The following MORC1 variants were observed in gnomAD, a reference collection of about 807,000 sequenced individuals.
The protein encoded by MORC1 is MORC family CW-type zinc finger protein 1.
A neutral mutation model predicts 134.9 loss-of-function variants in MORC1; 59 were observed. The observed-to-expected ratio is 0.44, with a 90% CI of 0.35 to 0.54. The LOEUF (loss-of-function observed/expected upper bound fraction) is 0.54, where lower values mean the gene tolerates loss of function less well. Ranked by LOEUF, MORC1 falls within the 20% of genes least tolerant of loss-of-function variation. The pLI is 0.00. For missense variants in MORC1, 947 were observed against 1,134.5 expected (o/e 0.83, Z 2.37); for synonymous variants, 395 against 391.7 (o/e 1.01, Z -0.10).
chr3:108,985,772 A>G (rs1181768232), intron 22 of MORC1, among the ~76,000 whole-genome samples: 2 of 152,132 alleles, frequency 1.3e-5, no homozygotes, highest in Non-Finnish European at 2.9e-5. Flanking sequence ...TGTATTAGCA[A>G]TTTTTCTAGT....
chr3:109,063,252 C>T (rs922687119), intron 9 of MORC1, 21 bp from the exon 10 acceptor site: 2 of 1,455,810 alleles, frequency 1.4e-6, no homozygotes, highest in Non-Finnish European at 1.9e-6. Context: ...ACAAAAAGAA[C>T]ATAATCAAGT....
At chr3:108,982,292 CA>C (rs1338412782) in intron 23 of MORC1, among the ~76,000 whole-genome samples, 1 of 152,116 alleles carries the variant, frequency 6.6e-6, no homozygotes, top group Non-Finnish European at 1.5e-5. Context: ...AACGCTTTTA[CA>C]CTGTTGGTGG....
chr3:108,979,748 T>C (rs1015320266), intron 23 of MORC1, 81 bp from the exon 24 acceptor site: 1 of 1,514,076 alleles, frequency 6.6e-7, no homozygotes, highest in African/African-American at 1.4e-5. Flanking sequence ...ATGAGTGAAA[T>C]GTTCATATAC....
chr3:108,971,452 T>C, intron 24 of MORC1, 50 bp from the exon 25 acceptor site: 1 of 1,515,176 alleles, frequency 6.6e-7, no homozygotes, highest in Non-Finnish European at 9.1e-7. Flanking sequence ...ATAACAGAGG[T>C]AGCACTCAAC....
chr3:109,049,243 A>G lies in MORC1; in HGVS notation c.1330+5485T>C, dbSNP rs1267834187. 5.9e-5 allele frequency: 28 copies of G among 477,054 alleles called. 1 individual carries two copies. Among genetic ancestry groups the G allele is most frequent in the Non-Finnish European group, 7.4e-5 (27 of 366,080 alleles). 29.6% of individuals were successfully genotyped at this position (477,054 alleles called of 1,614,324 possible). A position where few individuals can be genotyped will look rare whatever the true frequency, so the allele number is the denominator to read the frequency against. On this transcript the variant is annotated intron_variant, in intron 14 of 27. Transcript: ENST00000232603. The stretch of plus-strand genomic sequence containing the variant: ...AAAATTCTGTTGTGAGCAACTAGCT[A>G]CATCCAGGTACTACAGCATTGTCTA...
intron 27 of MORC1, among the ~76,000 whole-genome samples, chr3:108,962,124 G>T (rs910195853): frequency 6.6e-6 from 1 of 152,050 alleles, no homozygotes; most frequent in African/African-American, 2.4e-5. Context: ...TGGCTGAAGT[G>T]GTATGGTTGA....
intron 21 of MORC1, among the ~76,000 whole-genome samples, chr3:108,993,925 C>T (rs905770851): frequency 2.6e-5 from 4 of 152,096 alleles, no homozygotes; most frequent in East Asian, 1.9e-4. Context: ...AAAACATAAA[C>T]CTAGACACGG....
intron 11 of MORC1, 102 bp downstream of exon 11, chr3:109,061,886 C>A: frequency 9.5e-7 from 1 of 1,047,628 alleles, no homozygotes. Flanking sequence ...CTTATCTGTG[C>A]TTAAAAGTTT....
At chr3:109,076,890 T>C (rs1374698971) in intron 8 of MORC1, among the ~76,000 whole-genome samples, 1 of 150,838 alleles carries the variant, frequency 6.6e-6, no homozygotes, top group Non-Finnish European at 1.5e-5. Flanking sequence ...GACAGGTTGA[T>C]GGGTGCAGCA....
rs922707756 is a variant in MORC1, at chr3:109,106,128, T to C, written c.155-2211A>G. Among the ~76,000 whole-genome samples, 9 of 152,346 alleles carry C rather than the reference T, an allele frequency of 5.9e-5. No individual in the cohort carries two copies. In the East Asian group the frequency reaches 1.5e-3, roughly 26 times the overall value. On this transcript the variant is annotated intron_variant, in intron 3 of 27. Coordinates refer to ENST00000232603, the MANE Select transcript of MORC1 (RefSeq NM_014429.4). ...CTAATGTAACTGGTCTTGGATAGGG[T>C]TCAGAAATTGGTATTTTCTCGTAAA...
At chr3:109,000,521 A>G in intron 21 of MORC1, 36 bp downstream of exon 21, 2 of 1,447,820 alleles carry the variant, frequency 1.4e-6, no homozygotes, top group Non-Finnish European at 1.9e-6. Context: ...GAATATGAAA[A>G]TCTCAAGGTG....
intron 16 of MORC1, among the ~76,000 whole-genome samples, chr3:109,028,886 G>A (rs1271283989): frequency 1.3e-5 from 2 of 152,086 alleles, no homozygotes; most frequent in East Asian, 3.9e-4. Context: ...GCCCACTCTA[G>A]GTCACAGAGT....
chr3:109,050,325 G>C (rs1427861792), intron 14 of MORC1, among the ~76,000 whole-genome samples: 1 of 152,196 alleles, frequency 6.6e-6, no homozygotes, highest in Non-Finnish European at 1.5e-5. Context: ...CAGTTCTGGA[G>C]ACTGGGAAGT....
At chr3:108,987,724 A>G (rs959940245) in intron 21 of MORC1, among the ~76,000 whole-genome samples, 3 of 151,954 alleles carry the variant, frequency 2.0e-5, no homozygotes, top group Non-Finnish European at 2.9e-5. Flanking sequence ...TCCATTTTAC[A>G]AGGCTCACAT....
At chr3:109,082,731 G>A (rs1307678869) in intron 8 of MORC1, among the ~76,000 whole-genome samples, 1 of 151,712 alleles carries the variant, frequency 6.6e-6, no homozygotes, top group Non-Finnish European at 1.5e-5. Context: ...AATACACAGA[G>A]GAGCAAAAAG....
chr3:109,003,242 T>C (rs536253418), intron 20 of MORC1, among the ~76,000 whole-genome samples: 2 of 147,998 alleles, frequency 1.4e-5, no homozygotes, highest in East Asian at 1.9e-4. Context: ...GCATACTGAA[T>C]GGCACACAGT....
intron 20 of MORC1, among the ~76,000 whole-genome samples, chr3:109,003,326 T>C (rs1272419575): frequency 6.6e-6 from 1 of 151,930 alleles, no homozygotes; most frequent in Admixed American, 6.6e-5. Context: ...TACATATATG[T>C]GTATATATAT....
chr3:108,989,473 G>C (rs190920184), intron 21 of MORC1, among the ~76,000 whole-genome samples: 13 of 152,240 alleles, frequency 8.5e-5, no homozygotes, highest in African/African-American at 3.1e-4. Context: ...AATACTGCAT[G>C]CTCAATTTTG....
chr3:108,968,853 AC>A (rs1280386575), intron 26 of MORC1, among the ~76,000 whole-genome samples: 1 of 151,856 alleles, frequency 6.6e-6, no homozygotes, highest in East Asian at 1.9e-4. Flanking sequence ...GTTCTTGACT[AC>A]TCTGGCCTGT....
Sources: allele counts gnomAD v4.1 joint callset (sites outside exome capture counted in the v4.1 genomes callset), GRCh38; gene constraint gnomAD v4.1.1; transcripts MANE v1.5; gene names NCBI Gene and HGNC (gene_info 2026-07-23, HGNC 2026-07-21).